The following ZFHX3 variants were observed in gnomAD, a reference collection of about 807,000 sequenced individuals.
The protein encoded by ZFHX3 is zinc finger homeobox 3.
ZFHX3 carries 42 observed loss-of-function variants against 279.1 expected under a neutral mutation model. The ratio of observed to expected loss-of-function variants is 0.15; its 90% CI spans 0.12 to 0.19. The LOEUF (loss-of-function observed/expected upper bound fraction) is 0.19. ZFHX3 is among the 10% of genes least tolerant of loss of function. ZFHX3 has a pLI of 1.00. For missense variants in ZFHX3, 4,981 were observed against 4,754.0 expected (o/e 1.05, Z -1.40); for synonymous variants, 2,293 against 1,957.8 (o/e 1.17, Z -4.52).
chr16:73,230,656 G>T (rs559144894), intron 5 of ZFHX3, among the ~76,000 whole-genome samples: 1 of 152,114 alleles, frequency 6.6e-6, no homozygotes, highest in African/African-American at 2.4e-5. Flanking sequence ...AGACCTACTC[G>T]GGAAGGCCTG....
At chr16:73,519,935 G>A (rs185097229) in intron 2 of ZFHX3, among the ~76,000 whole-genome samples, 2 of 152,192 alleles carry the variant, frequency 1.3e-5, no homozygotes, top group African/African-American at 4.8e-5. Flanking sequence ...CAGTGTAATT[G>A]GAGTGAAGAA....
chr16:73,107,059 A>G (rs1183810417), intron 7 of ZFHX3, among the ~76,000 whole-genome samples: 3 of 152,168 alleles, frequency 2.0e-5, no homozygotes, highest in Admixed American at 6.5e-5. Flanking sequence ...CCTCATGCCT[A>G]TAATCCTAGT....
At chr16:72,975,259 T>A (rs1021938949) in intron 1 of ZFHX3, among the ~76,000 whole-genome samples, 1 of 152,040 alleles carries the variant, frequency 6.6e-6, no homozygotes, top group African/African-American at 2.4e-5. Context: ...CTGGCCAACA[T>A]AGTGAAACAC....
intron 1 of ZFHX3, among the ~76,000 whole-genome samples, chr16:73,738,653 A>G (rs936331118): frequency 6.6e-6 from 1 of 152,216 alleles, no homozygotes; most frequent in African/African-American, 2.4e-5. Context: ...GGGACGTTTC[A>G]TGGTGGAAGA....
At chr16:72,828,708 TTTTTTA>T (rs1308392300) in intron 5 of ZFHX3, among the ~76,000 whole-genome samples, 3 of 152,160 alleles carry the variant, frequency 2.0e-5, no homozygotes. Context: ...CCCTTAGTAA[TTTTTTA>T]TTTTTATTTT....
chr16:73,539,527 C>G (rs931151855), intron 2 of ZFHX3, among the ~76,000 whole-genome samples: 1 of 136,932 alleles, frequency 7.3e-6, no homozygotes, highest in African/African-American at 2.8e-5. Flanking sequence ...CACTCCTTTT[C>G]CCTCTCTGTT....
intron 3 of ZFHX3, chr16:73,318,439 G>A (rs2015503447): frequency 6.6e-6 from 1 of 151,860 alleles, no homozygotes. Context: ...ACAGTGTAGA[G>A]CACTGTTTGT....
intron 3 of ZFHX3, among the ~76,000 whole-genome samples, chr16:73,449,994 T>C (rs2018255956): frequency 6.6e-6 from 1 of 152,212 alleles, no homozygotes; most frequent in Admixed American, 6.5e-5. Flanking sequence ...CTTCTGATAT[T>C]TGTCATGCAT....
chr16:72,999,849 G>A (rs954912176), intron 1 of ZFHX3, among the ~76,000 whole-genome samples: 2 of 152,230 alleles, frequency 1.3e-5, no homozygotes, highest in African/African-American at 4.8e-5. Flanking sequence ...CCTATCTGGT[G>A]GAGTGGAGGA....
intron 2 of ZFHX3, among the ~76,000 whole-genome samples, chr16:72,955,963 G>T (rs1961233689): frequency 6.6e-6 from 1 of 152,158 alleles, no homozygotes; most frequent in South Asian, 2.1e-4. Context: ...ATCTCCTGGT[G>T]TGCATGGTTC....
At chr16:73,565,503 G>C (rs751847837) in intron 2 of ZFHX3, among the ~76,000 whole-genome samples, 2 of 152,166 alleles carry the variant, frequency 1.3e-5, no homozygotes, top group African/African-American at 2.4e-5. Flanking sequence ...TCCTTTTCCC[G>C]AAAGGTTACC....
chr16:73,835,017 T>C (rs1451561718), intron 1 of ZFHX3, among the ~76,000 whole-genome samples: 1 of 152,202 alleles, frequency 6.6e-6, no homozygotes, highest in Non-Finnish European at 1.5e-5. Context: ...AGGAGAGCGA[T>C]GGAGGAAGGT....
chr16:73,370,695 G>T (rs1040665957), intron 3 of ZFHX3, among the ~76,000 whole-genome samples: 1 of 152,152 alleles, frequency 6.6e-6, no homozygotes, highest in African/African-American at 2.4e-5. Context: ...CTATCCCCAC[G>T]GTGCCATGCA....
chr16:73,588,730 CAA>C (rs1193304879), intron 2 of ZFHX3, among the ~76,000 whole-genome samples: 4 of 147,912 alleles, frequency 2.7e-5, no homozygotes, highest in South Asian at 2.1e-4. Flanking sequence ...AACAAGAAAA[CAA>C]GAGAGAGGAA....
chr16:73,221,052 C>T (rs569144090), intron 5 of ZFHX3, among the ~76,000 whole-genome samples: 4 of 152,026 alleles, frequency 2.6e-5, no homozygotes, highest in East Asian at 1.9e-4. Flanking sequence ...AGGGGCATTG[C>T]GCCATGGAAT....
At chr16:73,061,696 A>G (rs1177578300), upstream of ZFHX3, 3 of 152,088 alleles carry the variant, frequency 2.0e-5, no homozygotes, top group African/African-American at 7.3e-5. Context: ...ATCTGTCTTC[A>G]CGAATCTTCA....
chr16:73,110,155 G>T (rs1966354541), intron 7 of ZFHX3, among the ~76,000 whole-genome samples: 1 of 151,646 alleles, frequency 6.6e-6, no homozygotes, highest in African/African-American at 2.4e-5. Flanking sequence ...AGTGAGCTGA[G>T]ATTGCGCCAC....
intron 2 of ZFHX3, among the ~76,000 whole-genome samples, chr16:73,665,860 A>G (rs2052834958): frequency 1.6e-5 from 2 of 128,550 alleles, no homozygotes; most frequent in Middle Eastern, 0.011. Context: ...TCTGTCACCC[A>G]GGTGGAGTCT....
At chr16:73,638,139 T>C (rs2052544504) in intron 2 of ZFHX3, among the ~76,000 whole-genome samples, 1 of 152,166 alleles carries the variant, frequency 6.6e-6, no homozygotes, top group African/African-American at 2.4e-5. Flanking sequence ...CACAAAATGA[T>C]CACATTCTTA....
Sources: allele counts gnomAD v4.1 joint callset (sites outside exome capture counted in the v4.1 genomes callset), GRCh38; gene constraint gnomAD v4.1.1; transcripts MANE v1.5; gene names NCBI Gene and HGNC (gene_info 2026-07-23, HGNC 2026-07-21).